Variants in AK9 observed in about 807,000 individuals in gnomAD.
AK9 encodes the protein adenylate kinase 9, also known as adenylate kinase domain containing 1.
AK9 carries 191 observed loss-of-function variants against 239.6 expected under a neutral mutation model. The ratio of observed to expected loss-of-function variants is 0.80; its 90% CI spans 0.71 to 0.90. The LOEUF (loss-of-function observed/expected upper bound fraction) is 0.90, where lower values mean the gene tolerates loss of function less well. AK9 is among the 40% of genes least tolerant of loss of function. The pLI is 0.00. For missense variants in AK9, 1,995 were observed against 2,214.7 expected (o/e 0.90, Z 1.99); for synonymous variants, 689 against 721.0 (o/e 0.96, Z 0.71).
chr6:109,544,949 T>A (rs1422715032), intron 26 of AK9, among the ~76,000 whole-genome samples: 1 of 152,116 alleles, frequency 6.6e-6, no homozygotes, highest in African/African-American at 2.4e-5. Context: ...TCAAGGAAAA[T>A]TTTTCTGAAT....
chr6:109,565,307 T>A (rs1457508998), intron 21 of AK9, among the ~76,000 whole-genome samples: 3 of 151,796 alleles, frequency 2.0e-5, no homozygotes, highest in African/African-American at 4.8e-5. Context: ...CAAGACCACA[T>A]CCCTACAAAA....
chr6:109,533,584 T>G (rs1252689008), intron 27 of AK9, 114 bp from the exon 28 acceptor site: 1 of 726,306 alleles, frequency 1.4e-6, no homozygotes, highest in East Asian at 3.1e-5. Context: ...CATTACACCT[T>G]GAATATATAC....
chr6:109,619,314 A>T, intron 12 of AK9, 78 bp from the exon 13 acceptor site: 1 of 1,347,008 alleles, frequency 7.4e-7, no homozygotes, highest in South Asian at 1.7e-5. Context: ...CTATCTATGT[A>T]TATCTATCTA....
At chr6:109,605,133 T>C (rs1000569510) in intron 17 of AK9, among the ~76,000 whole-genome samples, 10 of 152,192 alleles carry the variant, frequency 6.6e-5, no homozygotes, top group Admixed American at 2.6e-4. Context: ...AAAATTTCTA[T>C]AAATCATTAA....
chr6:109,632,080 A>C, intron 12 of AK9: 1 of 861,690 alleles, frequency 1.2e-6, no homozygotes, highest in Non-Finnish European at 1.4e-6. Flanking sequence ...TGCTGGCAAC[A>C]TTCCAGATTT....
rs1036243871 is a variant in AK9 at position 109,610,392 on chromosome 6, A to G, written c.1815T>C (p.Ala605=). ...INFEQPYEKH[A]EILQEVLGEV... is the part of the protein sequence containing the mutation. The stretch of plus-strand genomic sequence containing the variant: ...CTCCAAGGACTTCCTGTAAGATTTC[A>G]GCATGTTTTTCATATGGCTGTTCAA... The change falls in exon 17 of 41, where the codon GCT becomes GCC. Residue 605 remains alanine, a synonymous_variant. Transcript: ENST00000424296. 3 of 1,551,694 alleles carry G rather than the reference A, an allele frequency of 1.9e-6. No individual in the cohort carries two copies. Among genetic ancestry groups the G allele is most frequent in the Non-Finnish European group, 2.6e-6 (3 of 1,146,902 alleles).
intron 12 of AK9, among the ~76,000 whole-genome samples, chr6:109,620,412 T>A (rs1281253158): frequency 1.3e-5 from 2 of 152,156 alleles, no homozygotes; most frequent in African/African-American, 4.8e-5. Context: ...CTTTTGAACT[T>A]CTTTATATAT....
At chr6:109,563,560 T>G in intron 24 of AK9, 37 bp downstream of exon 24, 1 of 1,545,638 alleles carries the variant, frequency 6.5e-7, no homozygotes, top group Non-Finnish European at 8.7e-7. Flanking sequence ...TTCAATGACT[T>G]CACAAATGAG....
chr6:109,533,481 T>C lies in AK9; in HGVS notation c.3351-11A>G. The C allele has an allele frequency of 3.2e-6, 5 of 1,557,248 alleles. No individual in the cohort carries two copies. The highest frequency in any genetic ancestry group is 4.3e-6 in the Non-Finnish European group (5 of 1,155,440). ...ATAAAACCTGTGGAACTGGTGGAAA[T>C]TTTCATAATTTACTTTATTTCATTA... On this transcript the variant is annotated splice_polypyrimidine_tract_variant and intron_variant, in intron 27 of 40. Coordinates refer to ENST00000424296, the MANE Select transcript of AK9 (RefSeq NM_001145128.3).
Position 109,497,806 on chromosome 6 carries a change from C to T in AK9, c.5206G>A (p.Gly1736Arg). 6.2e-7 allele frequency: 1 copy of T among 1,612,078 alleles called. No homozygotes were observed. Among genetic ancestry groups the T allele is most frequent in the Non-Finnish European group, 8.5e-7 (1 of 1,178,388 alleles). The part of the protein sequence containing the change: ...QGYCPVTYKD[G>R]NQRYEALVPG... ...AAGGCCAGGACTTGCCTTTGGTTTC[C>T]ATCCTTATAGGTCACTGGACAGTAG... is the stretch of plus-strand genomic sequence containing the variant. Residue 1736 changes from glycine to arginine, a missense_variant, in exon 37 of 41, where the codon GGA (glycine) becomes AGA (arginine). Physicochemically the swap from Gly to Arg is moderately radical, Grantham distance 125 (BLOSUM62 -2). Coordinates refer to ENST00000424296, the MANE Select transcript of AK9 (RefSeq NM_001145128.3).
At chr6:109,557,855 G>A (rs1034571845) in intron 24 of AK9, among the ~76,000 whole-genome samples, 10 of 152,116 alleles carry the variant, frequency 6.6e-5, no homozygotes, top group East Asian at 1.9e-4. Context: ...ATATTCCCAC[G>A]AGCAGTATAT....
intron 11 of AK9, 28 bp from the exon 12 acceptor site, chr6:109,633,131 C>A (rs377689796): frequency 2.2e-5 from 34 of 1,558,394 alleles, no homozygotes; most frequent in Middle Eastern, 1.7e-4. Context: ...TAGTAAACAA[C>A]TGAAAAGATG....
rs74473534 is a variant in AK9 at position 109,611,886 on chromosome 6, G to A, written c.1693+124C>T. 2,940 of 674,682 alleles carry A rather than the reference G, an allele frequency of 4.4e-3. 78 individuals are homozygous for A. The African/African-American group carries it at 0.049, about 11-fold the overall frequency. The allele number at this position is 674,682 out of a possible 1,614,324, so 41.8% of individuals were successfully genotyped here. A position where few individuals can be genotyped will look rare whatever the true frequency, so the allele number is the denominator to read the frequency against. Reference sequence around the variant, plus strand: ...GTAGCCATTAAAATAGAGTACTTGGGTATTAATCATGCTTTTATTTTTTTT... The same window carrying A: ...GTAGCCATTAAAATAGAGTACTTGGATATTAATCATGCTTTTATTTTTTTT... On this transcript the variant is annotated intron_variant, in intron 16 of 40. Transcript: ENST00000424296.
At chr6:109,647,599 G>C (rs1408750470) in intron 8 of AK9, among the ~76,000 whole-genome samples, 1 of 152,180 alleles carries the variant, frequency 6.6e-6, no homozygotes, top group Non-Finnish European at 1.5e-5. Context: ...CAAGTCCTTA[G>C]TGACTTACAA....
intron 27 of AK9, among the ~76,000 whole-genome samples, chr6:109,537,117 A>T (rs1289599796): frequency 6.6e-6 from 1 of 152,204 alleles, no homozygotes; most frequent in African/African-American, 2.4e-5. Context: ...TGTTGGCCTC[A>T]TAAAATGAGT....
At chr6:109,634,607 T>C (rs1179117428) in intron 10 of AK9, among the ~76,000 whole-genome samples, 2 of 152,180 alleles carry the variant, frequency 1.3e-5, no homozygotes, top group African/African-American at 4.8e-5. Context: ...CAAAGAGGCA[T>C]GTGCACTGCA....
intron 17 of AK9, among the ~76,000 whole-genome samples, chr6:109,597,709 C>T (rs1337518063): frequency 6.6e-6 from 1 of 151,726 alleles, no homozygotes; most frequent in Non-Finnish European, 1.5e-5. Context: ...TCAATTCTTG[C>T]CTGCTTCGAA....
chr6:109,678,683 A>C (rs1772125656), intron 1 of AK9, among the ~76,000 whole-genome samples: 1 of 150,064 alleles, frequency 6.7e-6, no homozygotes, highest in Non-Finnish European at 1.5e-5. Flanking sequence ...CTGAATAGGA[A>C]CAGCTCTGGT....
Position 109,564,843 on chromosome 6 carries a change from A to G in AK9, c.2347T>C (p.Ser783Pro). ...EVPETEPEAV[S>P]EPIEETTVET... ...ACTGTAGTTTCCTCGATAGGCTCAG[A>G]TACTTAAGAAAGAAATCGAATAGTT... The change falls in exon 22 of 41, where the codon TCT becomes CCT. Residue 783 changes from serine (S) to proline (P), a missense_variant and splice_region_variant. Ser to Pro is a moderately conservative substitution (Grantham distance 74, BLOSUM62 -1). This residue lies in a region of AK9 where 1,290 missense variants were observed against 1,392.7 expected (regional missense o/e 0.93). Transcript: ENST00000424296. 6.5e-7 allele frequency: 1 copy of G among 1,532,044 alleles called. No homozygotes were observed. The highest frequency in any genetic ancestry group is 8.8e-7 in the Non-Finnish European group (1 of 1,137,480). 94.9% of individuals were successfully genotyped at this position (1,532,044 alleles called of 1,614,324 possible). A position where few individuals can be genotyped will look rare whatever the true frequency, so the allele number is the denominator to read the frequency against.
Sources: allele counts gnomAD v4.1 joint callset (sites outside exome capture counted in the v4.1 genomes callset), GRCh38; gene constraint gnomAD v4.1.1; regional missense constraint gnomAD v4.1.1; transcripts MANE v1.5; gene names NCBI Gene and HGNC (gene_info 2026-07-23, HGNC 2026-07-21).